P3H2: variants seen among roughly 807,000 people sequenced by gnomAD.
P3H2 encodes prolyl 3-hydroxylase 2.
In P3H2, 80 loss-of-function variants were observed where a neutral mutation model predicts 87.0. The ratio of observed to expected loss-of-function variants is 0.92; its 90% CI spans 0.77 to 1.11. The LOEUF is 1.11. P3H2 is among the 50% of genes least tolerant of loss of function. The pLI is 0.00. For synonymous variants in P3H2, 367 were observed against 359.3 expected (o/e 1.02, Z -0.24); for missense variants, 1,001 against 923.9 (o/e 1.08, Z -1.08).
chr3:190,068,193 T>C (rs1011524731), intron 1 of P3H2, among the ~76,000 whole-genome samples: 5 of 152,146 alleles, frequency 3.3e-5, no homozygotes, highest in African/African-American at 1.2e-4. Context: ...TCTCCAAACA[T>C]TTAAAGAGAA....
At chr3:190,041,074 ACACACACT>A (rs1328502822) in intron 1 of P3H2, among the ~76,000 whole-genome samples, 942 of 45,528 alleles carry the variant, frequency 0.021, 61 homozygotes, top group African/African-American at 0.083. Context: ...ACACACACAC[ACACACACT>A]CTCTCTCTCT....
Position 189,973,901 on chromosome 3 carries a change from G to GT in P3H2, c.1548+7_1548+8insA. The stretch of plus-strand genomic sequence containing the variant: ...GGAACTCAAACCCAAAAGAAGTTAA[G>GT]ACTTTACTTTGAGTGCTTTCAGGAC... On this transcript the variant is annotated splice_region_variant and intron_variant, in intron 10 of 14. Transcript: ENST00000319332. 12 of 1,604,748 alleles carry GT rather than the reference G, an allele frequency of 7.5e-6. No homozygotes were observed. The highest frequency in any genetic ancestry group is 1.0e-5 in the Non-Finnish European group (12 of 1,171,534).
chr3:190,109,542 G>A (rs1711984814), intron 1 of P3H2, among the ~76,000 whole-genome samples: 1 of 152,284 alleles, frequency 6.6e-6, no homozygotes, highest in South Asian at 2.1e-4. Flanking sequence ...CAACTAAGAT[G>A]TGTTAGTTTG....
intron 1 of P3H2, among the ~76,000 whole-genome samples, chr3:190,025,788 T>C (rs1725070155): frequency 6.6e-6 from 1 of 152,196 alleles, no homozygotes; most frequent in Non-Finnish European, 1.5e-5. Context: ...GTCGGGAATC[T>C]TAGAAGTAAC....
intron 1 of P3H2, among the ~76,000 whole-genome samples, chr3:190,057,621 AG>A (rs1726200004): frequency 7.0e-6 from 1 of 143,242 alleles, no homozygotes; most frequent in African/African-American, 2.6e-5. Flanking sequence ...CTGAGAGGAA[AG>A]AAAAAAGCCA....
Position 189,964,112 on chromosome 3 carries a change from CA to C in P3H2, c.1894-15del. On this transcript the variant is annotated splice_polypyrimidine_tract_variant and intron_variant, in intron 13 of 14. Coordinates refer to ENST00000319332, the MANE Select transcript of P3H2 (RefSeq NM_018192.4). ...TTTTATAGAGGCCTGAGAAAGAAAG[CA>C]AAAATTAGACTTTCAATTGTTGTAT... 2 of 1,612,216 alleles carry C rather than the reference CA, an allele frequency of 1.2e-6. No individual in the cohort carries two copies. Among genetic ancestry groups the C allele is most frequent in the Non-Finnish European group, 1.7e-6 (2 of 1,178,358 alleles).
At chr3:189,972,414 C>T (rs757913338) in intron 11 of P3H2, among the ~76,000 whole-genome samples, 2 of 152,194 alleles carry the variant, frequency 1.3e-5, no homozygotes, top group African/African-American at 2.4e-5. Flanking sequence ...TTATTCCCCC[C>T]GCCCCATTCA....
In P3H2 at chr3:189,987,574, TCTC is replaced by T; in HGVS notation, c.1048_1050del (p.Glu350del). 1 of 1,613,858 alleles carries T rather than the reference TCTC, an allele frequency of 6.2e-7. No individual in the cohort carries two copies. Among genetic ancestry groups the T allele is most frequent in the African/African-American group, 1.3e-5 (1 of 74,982 alleles). Reference sequence around the variant, plus strand: ...GGGTCAATGCTATCATCCAGCAGACTCTCATAGTAATCCACATTGTCTAGGACA... The same window carrying T: ...GGGTCAATGCTATCATCCAGCAGACTATAGTAATCCACATTGTCTAGGACA... On this transcript the variant is annotated inframe_deletion, in exon 5 of 15. Coordinates refer to ENST00000319332, the MANE Select transcript of P3H2 (RefSeq NM_018192.4).
intron 1 of P3H2, among the ~76,000 whole-genome samples, chr3:190,030,820 T>C (rs1007495203): frequency 6.6e-6 from 1 of 152,104 alleles, no homozygotes; most frequent in Non-Finnish European, 1.5e-5. Context: ...GAACTTAATA[T>C]AGGAAAAATG....
intron 1 of P3H2, among the ~76,000 whole-genome samples, chr3:190,059,199 T>A (rs2108965752): frequency 6.6e-6 from 1 of 152,266 alleles, no homozygotes; most frequent in South Asian, 2.1e-4. Flanking sequence ...CCCCAACCTG[T>A]GCCATAATAG....
chr3:190,039,327 TA>T (rs1725528184), intron 1 of P3H2, among the ~76,000 whole-genome samples: 1 of 57,080 alleles, frequency 1.8e-5, no homozygotes, highest in Non-Finnish European at 3.4e-5. Flanking sequence ...AACTCATGTT[TA>T]AATGAAAGCA....
At chr3:190,044,823 G>C in intron 1 of P3H2, among the ~76,000 whole-genome samples, 1 of 152,136 alleles carries the variant, frequency 6.6e-6, no homozygotes, top group Non-Finnish European at 1.5e-5. Context: ...ATGATTTAGC[G>C]GAGGGAAGAA....
Position 189,957,787 on chromosome 3 carries a change from G to C in P3H2, c.*125C>G. ...GAGGCAACACAAGCATCCTTAGGAA[G>C]AGAAGGAAGATCTGATGACTGACAT... On this transcript the variant is annotated 3_prime_UTR_variant, in exon 15 of 15. Coordinates refer to ENST00000319332, the MANE Select transcript of P3H2 (RefSeq NM_018192.4). 1 of 705,312 alleles carries C rather than the reference G, an allele frequency of 1.4e-6. No homozygotes were observed. The highest frequency in any genetic ancestry group is 1.6e-5 in the South Asian group (1 of 61,548). 43.7% of individuals were successfully genotyped at this position (705,312 alleles called of 1,614,324 possible).
intron 1 of P3H2, among the ~76,000 whole-genome samples, chr3:190,071,566 A>G (rs9868231): frequency 0.24 from 35,866 of 152,132 alleles, 4,462 homozygotes; most frequent in African/African-American, 0.31. Flanking sequence ...GTAAAAGCAC[A>G]ATTGTGCTGT....
chr3:190,086,620 C>A (rs1199915784), intron 1 of P3H2, among the ~76,000 whole-genome samples: 3 of 152,172 alleles, frequency 2.0e-5, no homozygotes, highest in African/African-American at 7.2e-5. Context: ...ATGGTTAGGA[C>A]TAGGGAAATC....
intron 2 of P3H2, 50 bp downstream of exon 2, chr3:189,995,228 CTCAGATGAAACT>C: frequency 6.6e-7 from 1 of 1,522,846 alleles, no homozygotes; most frequent in South Asian, 1.1e-5. Flanking sequence ...TTTGCTGTGA[CTCAGATGAAACT>C]TAGGAGCACT....
intron 1 of P3H2, among the ~76,000 whole-genome samples, chr3:190,107,410 C>T (rs571015372): frequency 2.0e-5 from 3 of 152,092 alleles, no homozygotes; most frequent in Non-Finnish European, 4.4e-5. Flanking sequence ...ATTTAGTCTA[C>T]GAATAAGGAT....
At chr3:189,974,811 A>T in intron 8 of P3H2, 126 bp from the exon 9 acceptor site, 1 of 1,178,758 alleles carries the variant, frequency 8.5e-7, no homozygotes, top group East Asian at 2.4e-5. Context: ...TAGAAATGCA[A>T]AGACAAATTG....
At position 189,988,910 on chromosome 3, in the gene P3H2, G is replaced by T. The variant is rs200083855; in HGVS notation, c.952C>A (p.Arg318=). ...TCACGGATGATCCACGCTTTACCTC[G>T]ATAGTAGGCAAACTGTAGGTAATCA... ...HYDYLQFAYY[R]VGEYVKALEC... The change falls in exon 4 of 15, where the codon CGA becomes AGA. Residue 318 remains arginine, a synonymous_variant. Transcript: ENST00000319332. 2.5e-6 allele frequency: 4 copies of T among 1,613,968 alleles called. No individual in the cohort carries two copies. The highest frequency in any genetic ancestry group is 2.2e-5 in the East Asian group (1 of 44,864).
Sources: gnomAD v4.1 joint callset for allele counts (sites outside exome capture counted in the v4.1 genomes callset) on GRCh38, gnomAD v4.1.1 for gene constraint, MANE v1.5 for transcripts, NCBI Gene and HGNC (gene_info 2026-07-23, HGNC 2026-07-21) for gene names.